EZH2: variants seen among roughly 807,000 people sequenced by gnomAD.
EZH2 encodes histone-lysine N-methyltransferase EZH2.
Under a neutral mutation model 98.4 loss-of-function variants are expected in EZH2, and 18 were observed. The ratio of observed to expected loss-of-function variants is 0.18; its 90% CI spans 0.13 to 0.27. EZH2 has a LOEUF of 0.27. Among genes scored for constraint, EZH2 ranks in the 10% least tolerant of loss-of-function variants. The pLI is 1.00. For synonymous variants in EZH2, 338 were observed against 312.3 expected, an observed-to-expected ratio of 1.08 and a Z score of -0.87; for missense variants, 470 against 935.1, an observed-to-expected ratio of 0.50 and a Z score of 6.49.
intron 12 of EZH2, 21 bp downstream of exon 12, chr7:148,816,663 G>C (rs1450651985): frequency 1.3e-6 from 2 of 1,586,654 alleles, no homozygotes; most frequent in South Asian, 2.2e-5. Context: ...ACTTCTCTAA[G>C]GAGCTTCATG....
rs1801766407 is a variant in EZH2 at position 148,807,448 on chromosome 7, A to G, written c.*198T>C. 1 of 577,276 alleles carries G rather than the reference A, an allele frequency of 1.7e-6. No homozygotes were observed. The highest frequency in any genetic ancestry group is 3.1e-6 in the Non-Finnish European group (1 of 323,702). The allele number at this position is 577,276 out of a possible 1,614,324, so 35.8% of individuals were successfully genotyped here. A position where few individuals can be genotyped will look rare whatever the true frequency, so the allele number is the denominator to read the frequency against. ...CCATACTGCATTATTGCAAAAATTCACTGGTACAAAACACTTTGCAGCTGG... is the reference window on the plus strand; with the variant it reads ...CCATACTGCATTATTGCAAAAATTCGCTGGTACAAAACACTTTGCAGCTGG... On this transcript the variant is annotated 3_prime_UTR_variant, in exon 20 of 20. Coordinates refer to ENST00000320356, the MANE Select transcript of EZH2 (RefSeq NM_004456.5).
At chr7:148,833,129 T>C (rs1012643595) in intron 3 of EZH2, among the ~76,000 whole-genome samples, 1 of 152,232 alleles carries the variant, frequency 6.6e-6, no homozygotes, top group South Asian at 2.1e-4. Context: ...GTAATATGTA[T>C]ACCAAATAAG....
chr7:148,873,259 A>G (rs986468405), intron 1 of EZH2, among the ~76,000 whole-genome samples: 1 of 152,104 alleles, frequency 6.6e-6, no homozygotes, highest in Non-Finnish European at 1.5e-5. Context: ...TGCAAGGCCA[A>G]GGCAGGCAGA....
chr7:148,851,710 T>TAAGC (rs1354977944), intron 1 of EZH2, among the ~76,000 whole-genome samples: 2 of 151,918 alleles, frequency 1.3e-5, no homozygotes, highest in Non-Finnish European at 2.9e-5. Flanking sequence ...AATCAATAAA[T>TAAGC]AAGCAAGCAA....
intron 1 of EZH2, among the ~76,000 whole-genome samples, chr7:148,867,374 T>C (rs753089097): frequency 5.9e-5 from 9 of 152,128 alleles, no homozygotes; most frequent in Non-Finnish European, 1.2e-4. Context: ...GTCTCAGATA[T>C]TCCGTTATAC....
At chr7:148,839,796 C>CT in intron 3 of EZH2, among the ~76,000 whole-genome samples, 1 of 152,248 alleles carries the variant, frequency 6.6e-6, no homozygotes, top group Non-Finnish European at 1.5e-5. Context: ...GTCTGCCCAC[C>CT]TTGGCCTCCC....
At chr7:148,866,529 T>A (rs911073240) in intron 1 of EZH2, among the ~76,000 whole-genome samples, 6 of 103,024 alleles carry the variant, frequency 5.8e-5, no homozygotes, top group African/African-American at 2.3e-4. Context: ...TGTATATACA[T>A]ATATATACGT....
chr7:148,820,894 T>C (rs1805870844), intron 8 of EZH2: 1 of 152,186 alleles, frequency 6.6e-6, no homozygotes, highest in Admixed American at 6.5e-5. Context: ...TCTCAAAACC[T>C]GGATGTAAAG....
rs1383600888 is a variant in EZH2 at position 148,814,017 on chromosome 7, T to C, written c.1793A>G (p.His598Arg). ...DLCLTCGAAD[H>R]WDSKNVSCKN... ...GCAGGACACATTTTTACTGTCCCAA[T>C]GGTCAGCGGCTCCACAAGTAAGACA... The change falls in exon 15 of 20, where the codon CAT (histidine) becomes CGT (arginine). Residue 598 changes from histidine (H) to arginine (R), a missense_variant. By Grantham distance (29) the His-to-Arg change is conservative. Around this residue, in one of 6 missense-constraint regions of EZH2, gnomAD observed 106 missense variants for 327.2 expected, o/e 0.32. Coordinates refer to ENST00000320356, the MANE Select transcript of EZH2 (RefSeq NM_004456.5). 1.2e-6 allele frequency: 2 copies of C among 1,614,068 alleles called. No individual in the cohort carries two copies. Among genetic ancestry groups the C allele is most frequent in the African/African-American group, 1.3e-5 (1 of 74,940 alleles).
intron 3 of EZH2, among the ~76,000 whole-genome samples, chr7:148,836,052 G>A (rs764322637): frequency 1.3e-5 from 2 of 152,130 alleles, no homozygotes; most frequent in Non-Finnish European, 2.9e-5. Context: ...TGAGTCATGC[G>A]AGAGTCACTA....
Position 148,824,310 on chromosome 7 carries a change from G to A in EZH2, c.907+2144C>T, listed in dbSNP as rs374561874. On this transcript the variant is annotated intron_variant, in intron 8 of 19. Transcript: ENST00000320356. ...AGACTGAGCAACAGAACGAGACTTC[G>A]TCTCAAAAAAAAAAAAAAACAACAA... Among the ~76,000 whole-genome samples the A allele has an allele frequency of 1.0e-2, 802 of 80,594 alleles. 11 individuals are homozygous for A. Among genetic ancestry groups the A allele is most frequent in the African/African-American group, 0.049 (720 of 14,806 alleles). 52.9% of individuals were successfully genotyped at this position (80,594 alleles called of 152,430 possible).
chr7:148,856,849 C>G (rs559659233), intron 1 of EZH2, among the ~76,000 whole-genome samples: 41 of 152,328 alleles, frequency 2.7e-4, no homozygotes, highest in Non-Finnish European at 5.0e-4. Context: ...AGGAACAACT[C>G]TCCTGACAAG....
intron 1 of EZH2, among the ~76,000 whole-genome samples, chr7:148,855,775 G>A (rs1816715104): frequency 6.6e-6 from 1 of 151,636 alleles, no homozygotes; most frequent in African/African-American, 2.4e-5. Flanking sequence ...ATGCACGCCT[G>A]TAATCCCAGC....
At chr7:148,855,608 A>C (rs1008957241) in intron 1 of EZH2, among the ~76,000 whole-genome samples, 2 of 152,164 alleles carry the variant, frequency 1.3e-5, no homozygotes, top group African/African-American at 4.8e-5. Flanking sequence ...TTAAAAAAGT[A>C]GTGGCTATCA....
At chr7:148,854,971 C>T (rs1435832330) in intron 1 of EZH2, among the ~76,000 whole-genome samples, 1 of 152,204 alleles carries the variant, frequency 6.6e-6, no homozygotes, top group East Asian at 1.9e-4. Context: ...AAATTAATTA[C>T]TTAAGAGAAA....
At chr7:148,822,620 T>TA (rs1806471271) in intron 8 of EZH2, among the ~76,000 whole-genome samples, 1 of 151,616 alleles carries the variant, frequency 6.6e-6, no homozygotes, top group African/African-American at 2.4e-5. Context: ...AAAAAGCTCC[T>TA]AAGACATCAA....
At chr7:148,866,654 A>G (rs1193973368) in intron 1 of EZH2, among the ~76,000 whole-genome samples, 3 of 147,172 alleles carry the variant, frequency 2.0e-5, no homozygotes, top group East Asian at 3.9e-4. Flanking sequence ...ATATACGTAT[A>G]TACGTATATG....
chr7:148,854,754 T>G (rs959404423), intron 1 of EZH2, among the ~76,000 whole-genome samples: 5 of 152,246 alleles, frequency 3.3e-5, no homozygotes, highest in African/African-American at 1.2e-4. Context: ...CTCTCCAGTC[T>G]TCAATAGTGC....
chr7:148,846,866 G>A (rs1448848856), intron 2 of EZH2, among the ~76,000 whole-genome samples: 1 of 147,706 alleles, frequency 6.8e-6, no homozygotes, highest in African/African-American at 2.6e-5. Context: ...GTGTGTGTGT[G>A]TGTGTGTGTG....
Sources: allele counts gnomAD v4.1 joint callset (sites outside exome capture counted in the v4.1 genomes callset), GRCh38; gene constraint gnomAD v4.1.1; regional missense constraint gnomAD v4.1.1; transcripts MANE v1.5; gene names NCBI Gene and HGNC (gene_info 2026-07-23, HGNC 2026-07-21).